The following STAG1 variants were observed in gnomAD, a reference collection of about 807,000 sequenced individuals.
The protein encoded by STAG1 is cohesin subunit SA-1.
A neutral mutation model predicts 170.9 loss-of-function variants in STAG1; 26 were observed. The observed-to-expected ratio is 0.15, with a 90% CI of 0.11 to 0.21. The LOEUF (loss-of-function observed/expected upper bound fraction) is 0.21, where lower values mean the gene tolerates loss of function less well. STAG1 is among the 10% of genes least tolerant of loss of function. The pLI is 1.00. For synonymous variants in STAG1, 514 were observed against 497.7 expected (o/e 1.03, Z -0.44); for missense variants, 964 against 1,509.5 (o/e 0.64, Z 5.99).
intron 3 of STAG1, among the ~76,000 whole-genome samples, chr3:136,613,364 C>G (rs1010883065): frequency 6.8e-6 from 1 of 147,094 alleles, no homozygotes; most frequent in African/African-American, 2.5e-5. Context: ...GTATCACATA[C>G]CTCCCAGGAA....
At chr3:136,710,225 T>G (rs1184827770) in intron 1 of STAG1, among the ~76,000 whole-genome samples, 1 of 152,140 alleles carries the variant, frequency 6.6e-6, no homozygotes, top group Non-Finnish European at 1.5e-5. Context: ...CCCAGAAAAG[T>G]TCACCCAAAC....
intron 1 of STAG1, among the ~76,000 whole-genome samples, chr3:136,693,569 G>C (rs1165794580): frequency 2.0e-5 from 3 of 152,128 alleles, no homozygotes; most frequent in African/African-American, 7.2e-5. Flanking sequence ...GTGAACTACA[G>C]TTGTGCCACG....
At chr3:136,572,092 G>A (rs1010923688) in intron 4 of STAG1, among the ~76,000 whole-genome samples, 9 of 152,102 alleles carry the variant, frequency 5.9e-5, no homozygotes, top group Non-Finnish European at 1.2e-4. Flanking sequence ...GCACATGCCT[G>A]TAATCCCAGT....
intron 13 of STAG1, among the ~76,000 whole-genome samples, chr3:136,458,285 T>C (rs1276328718): frequency 1.3e-5 from 2 of 152,130 alleles, no homozygotes; most frequent in African/African-American, 4.8e-5. Flanking sequence ...ACCTCCCAAG[T>C]AGCTGGAATT....
At chr3:136,496,170 AC>A (rs1301779875) in intron 9 of STAG1, among the ~76,000 whole-genome samples, 1 of 151,766 alleles carries the variant, frequency 6.6e-6, no homozygotes, top group African/African-American at 2.4e-5. Context: ...AAACAAAAAA[AC>A]CCCCAAAAAA....
intron 3 of STAG1, chr3:136,609,223 G>GC (rs1939130912): frequency 6.6e-6 from 1 of 152,240 alleles, no homozygotes; most frequent in East Asian, 1.9e-4. Context: ...CACCTGTAAT[G>GC]CCAGCAGAGG....
At chr3:136,575,474 C>T (rs2107771207) in intron 4 of STAG1, among the ~76,000 whole-genome samples, 1 of 152,328 alleles carries the variant, frequency 6.6e-6, no homozygotes, top group African/African-American at 2.4e-5. Flanking sequence ...ATCCTCCCAC[C>T]TTGGCCTACC....
intron 15 of STAG1, among the ~76,000 whole-genome samples, chr3:136,441,637 G>C (rs892375227): frequency 6.6e-6 from 1 of 152,106 alleles, no homozygotes; most frequent in African/African-American, 2.4e-5. Context: ...GGAACACTGG[G>C]GGATGCTCAC....
chr3:136,545,442 A>AT, intron 5 of STAG1, among the ~76,000 whole-genome samples: 1 of 152,278 alleles, frequency 6.6e-6, no homozygotes, highest in East Asian at 1.9e-4. Context: ...ATAAATATGG[A>AT]TGGATTGGTA....
At chr3:136,442,008 G>A (rs112100573) in intron 15 of STAG1, among the ~76,000 whole-genome samples, 103 of 152,302 alleles carry the variant, frequency 6.8e-4, no homozygotes, top group African/African-American at 2.4e-3. Context: ...GACGAGCCTG[G>A]TCAACATGGT....
intron 1 of STAG1, among the ~76,000 whole-genome samples, chr3:136,740,877 T>C (rs534313029): frequency 1.3e-5 from 2 of 152,256 alleles, no homozygotes; most frequent in Non-Finnish European, 2.9e-5. Flanking sequence ...CATATAACCA[T>C]AGAGAAGTAC....
intron 21 of STAG1, among the ~76,000 whole-genome samples, chr3:136,408,392 G>C (rs867298641): frequency 6.6e-6 from 1 of 152,122 alleles, no homozygotes; most frequent in Non-Finnish European, 1.5e-5. Context: ...ACAGAACCTA[G>C]AATGGAGAGA....
chr3:136,675,247 T>C (rs576770082), intron 1 of STAG1, among the ~76,000 whole-genome samples: 2 of 152,176 alleles, frequency 1.3e-5, no homozygotes, highest in Non-Finnish European at 2.9e-5. Context: ...ACCATTAAGA[T>C]GTGAAGACTG....
chr3:136,511,755 C>T (rs189557551), intron 7 of STAG1, among the ~76,000 whole-genome samples: 94 of 152,240 alleles, frequency 6.2e-4, no homozygotes, highest in African/African-American at 2.2e-3. Context: ...GTGACATAAG[C>T]TTTCCTATAT....
intron 6 of STAG1, among the ~76,000 whole-genome samples, chr3:136,530,964 G>T (rs1309885574): frequency 1.3e-5 from 2 of 152,084 alleles, no homozygotes; most frequent in Non-Finnish European, 2.9e-5. Flanking sequence ...AATTAGCTGG[G>T]TGTGGTCATG....
intron 14 of STAG1, among the ~76,000 whole-genome samples, chr3:136,449,117 C>G (rs2088865000): frequency 2.0e-5 from 3 of 151,978 alleles, no homozygotes; most frequent in Admixed American, 6.6e-5. Flanking sequence ...TAGGTGTACA[C>G]TAGTATAAAA....
chr3:136,718,531 G>A (rs1047663239), intron 1 of STAG1, among the ~76,000 whole-genome samples: 1 of 152,022 alleles, frequency 6.6e-6, no homozygotes, highest in Non-Finnish European at 1.5e-5. Flanking sequence ...TTACTAGCTG[G>A]AATAGAATCC....
chr3:136,428,782 T>C (rs2088207648), intron 16 of STAG1, among the ~76,000 whole-genome samples: 2 of 152,196 alleles, frequency 1.3e-5, no homozygotes, highest in African/African-American at 4.8e-5. Context: ...ATTGTGGTTA[T>C]AGTATAAAAT....
At chr3:136,357,608 G>A (rs1576385561) in intron 28 of STAG1, 112 bp downstream of exon 28, 1 of 797,702 alleles carries the variant, frequency 1.3e-6, no homozygotes, top group South Asian at 2.1e-5. Context: ...CAAACTATCA[G>A]AGCCTAAATT....
Sources: allele counts gnomAD v4.1 joint callset (sites outside exome capture counted in the v4.1 genomes callset), GRCh38; gene constraint gnomAD v4.1.1; transcripts MANE v1.5; gene names NCBI Gene and HGNC (gene_info 2026-07-23, HGNC 2026-07-21).